RUNDC3B: variants seen among roughly 807,000 people sequenced by gnomAD.
The protein encoded by RUNDC3B is RUN domain containing 3B, also known as RUN domain-containing protein 3B.
A neutral mutation model predicts 58.4 loss-of-function variants in RUNDC3B; 33 were observed. The ratio of observed to expected loss-of-function variants is 0.56; its 90% CI spans 0.43 to 0.75. The LOEUF is 0.75. Among genes scored for constraint, RUNDC3B ranks in the 30% least tolerant of loss-of-function variants. The probability of loss-of-function intolerance (pLI) is 0.00; values close to 1 mark genes in which losing one functional copy is unlikely to be tolerated. For synonymous variants in RUNDC3B, 193 were observed against 195.2 expected (o/e 0.99, Z 0.10); for missense variants, 501 against 535.7 (o/e 0.94, Z 0.64).
At chr7:87,693,310 A>G (rs1182263782) in intron 2 of RUNDC3B, among the ~76,000 whole-genome samples, 1 of 152,222 alleles carries the variant, frequency 6.6e-6, no homozygotes, top group Non-Finnish European at 1.5e-5. Context: ...ACTGACCAAC[A>G]TTTTATATAA....
At chr7:87,766,951 TC>T (rs1834008116) in intron 6 of RUNDC3B, among the ~76,000 whole-genome samples, 1 of 152,264 alleles carries the variant, frequency 6.6e-6, no homozygotes, top group Non-Finnish European at 1.5e-5. Flanking sequence ...TAATTTTTTT[TC>T]TTTTTTTCTG....
chr7:87,766,681 T>C (rs1833996032), intron 6 of RUNDC3B, among the ~76,000 whole-genome samples: 1 of 152,104 alleles, frequency 6.6e-6, no homozygotes, highest in Admixed American at 6.6e-5. Context: ...ATTTCTTTTC[T>C]TTCACGTTGA....
At chr7:87,651,460 G>A (rs957849673) in intron 2 of RUNDC3B, among the ~76,000 whole-genome samples, 1 of 151,962 alleles carries the variant, frequency 6.6e-6, no homozygotes, top group African/African-American at 2.4e-5. Context: ...TATACTCTCT[G>A]AATTTTAGAT....
At chr7:87,637,996 TC>T (rs1821972227) in intron 1 of RUNDC3B, among the ~76,000 whole-genome samples, 1 of 152,268 alleles carries the variant, frequency 6.6e-6, no homozygotes, top group South Asian at 2.1e-4. Context: ...TTTTCTTACT[TC>T]CCTTCTATTT....
intron 4 of RUNDC3B, among the ~76,000 whole-genome samples, chr7:87,719,305 C>T (rs1830732234): frequency 6.6e-6 from 1 of 151,858 alleles, no homozygotes; most frequent in African/African-American, 2.4e-5. Flanking sequence ...TAGAATACAG[C>T]TTAGCTCCCT....
chr7:87,798,752 A>G (rs1192187079), intron 8 of RUNDC3B, among the ~76,000 whole-genome samples: 1 of 152,204 alleles, frequency 6.6e-6, no homozygotes, highest in Non-Finnish European at 1.5e-5. Context: ...GTCAAGTTCT[A>G]AAGTGCAGCC....
intron 2 of RUNDC3B, among the ~76,000 whole-genome samples, chr7:87,653,577 T>G (rs1823792867): frequency 6.6e-6 from 1 of 152,142 alleles, no homozygotes; most frequent in South Asian, 2.1e-4. Context: ...ATCAAGTTAT[T>G]GGACAGGTTA....
intron 8 of RUNDC3B, 104 bp from the exon 9 acceptor site, chr7:87,807,269 C>A: frequency 1.8e-6 from 2 of 1,086,542 alleles, no homozygotes; most frequent in Non-Finnish European, 2.7e-6. Flanking sequence ...ATTAACAAAC[C>A]AATTTTATAA....
At chr7:87,712,246 A>G (rs1242336755) in intron 4 of RUNDC3B, among the ~76,000 whole-genome samples, 2 of 152,132 alleles carry the variant, frequency 1.3e-5, no homozygotes, top group Non-Finnish European at 2.9e-5. Context: ...TTCAAGCAAC[A>G]TGACACTCGA....
intron 3 of RUNDC3B, among the ~76,000 whole-genome samples, chr7:87,701,093 A>T (rs1246485246): frequency 2.0e-5 from 3 of 152,244 alleles, no homozygotes; most frequent in Non-Finnish European, 4.4e-5. Flanking sequence ...AAGTATGCAT[A>T]AAGCATTTCT....
chr7:87,638,539 G>A (rs776230925), intron 1 of RUNDC3B, among the ~76,000 whole-genome samples: 1 of 151,918 alleles, frequency 6.6e-6, no homozygotes, highest in Non-Finnish European at 1.5e-5. Context: ...GAACAATTCA[G>A]ATTTCCTGTG....
chr7:87,805,189 T>G (rs1363108183), intron 8 of RUNDC3B, among the ~76,000 whole-genome samples: 1 of 152,206 alleles, frequency 6.6e-6, no homozygotes, highest in Non-Finnish European at 1.5e-5. Flanking sequence ...GTGAATAAAC[T>G]GCTCTGTTTA....
intron 10 of RUNDC3B, among the ~76,000 whole-genome samples, chr7:87,821,764 A>T (rs997221459): frequency 2.0e-5 from 3 of 152,234 alleles, no homozygotes; most frequent in Non-Finnish European, 2.9e-5. Flanking sequence ...GATCTTTGAC[A>T]AACCTGACAA....
chr7:87,730,496 A>G (rs1372249659), intron 4 of RUNDC3B, among the ~76,000 whole-genome samples: 1 of 151,786 alleles, frequency 6.6e-6, no homozygotes, highest in African/African-American at 2.4e-5. Flanking sequence ...GGGGAGGAAG[A>G]GTGGAAAGGA....
At chr7:87,720,002 A>AAAAGAAAG (rs1554475642) in intron 4 of RUNDC3B, among the ~76,000 whole-genome samples, 14 of 150,102 alleles carry the variant, frequency 9.3e-5, no homozygotes, top group African/African-American at 3.2e-4. Context: ...AAAAAAAAAA[A>AAAAGAAAG]AAAAGAGAAA....
intron 8 of RUNDC3B, among the ~76,000 whole-genome samples, chr7:87,791,507 A>G (rs1453619758): frequency 6.6e-6 from 1 of 152,162 alleles, no homozygotes; most frequent in Non-Finnish European, 1.5e-5. Flanking sequence ...AAAAATAACT[A>G]CAAGAATTTT....
intron 8 of RUNDC3B, among the ~76,000 whole-genome samples, chr7:87,805,804 T>G (rs1836404674): frequency 1.3e-5 from 2 of 152,160 alleles, no homozygotes; most frequent in Admixed American, 1.3e-4. Context: ...AGTTTTCCAG[T>G]AATGTTCACT....
At chr7:87,640,842 A>G (rs2130290150) in intron 1 of RUNDC3B, among the ~76,000 whole-genome samples, 1 of 152,146 alleles carries the variant, frequency 6.6e-6, no homozygotes, top group Admixed American at 6.5e-5. Context: ...ATGAGTTTTT[A>G]ATTTCAGGTA....
At chr7:87,778,932 C>T (rs1444168593) in intron 8 of RUNDC3B, among the ~76,000 whole-genome samples, 1 of 152,060 alleles carries the variant, frequency 6.6e-6, no homozygotes, top group Non-Finnish European at 1.5e-5. Flanking sequence ...ATTATACGGA[C>T]AGTTCAAAGA....
Sources: allele counts gnomAD v4.1 joint callset (sites outside exome capture counted in the v4.1 genomes callset), GRCh38; gene constraint gnomAD v4.1.1; transcripts MANE v1.5; gene names NCBI Gene and HGNC (gene_info 2026-07-23, HGNC 2026-07-21).